Variants in DOCK11 observed in about 807,000 individuals in gnomAD.
DOCK11 encodes the protein dedicator of cytokinesis 11.
DOCK11 carries 70 observed loss-of-function variants against 169.1 expected under a neutral mutation model. The ratio of observed to expected loss-of-function variants is 0.41; its 90% confidence interval spans 0.34 to 0.51. The LOEUF (loss-of-function observed/expected upper bound fraction) is 0.51, where lower values mean the gene tolerates loss of function less well. Among genes scored for constraint, DOCK11 ranks in the 20% least tolerant of loss-of-function variants. The pLI is 0.10. For synonymous variants in DOCK11, 529 were observed against 541.3 expected (o/e 0.98, Z 0.32); for missense variants, 1,166 against 1,538.8 (o/e 0.76, Z 4.05).
chrX:118,629,816 A>ATTTTTT (rs67646403), intron 34 of DOCK11, among the ~76,000 whole-genome samples: 3 of 75,418 alleles, frequency 4.0e-5, no homozygotes, highest in Non-Finnish European at 4.9e-5. Context: ...ACCCAGCTAA[A>ATTTTTT]TTTTTTTTTT....
Position 118,681,813 on chromosome X carries a change from T to G in DOCK11, c.5963+19T>G. 1 of 1,144,452 alleles carries G rather than the reference T, an allele frequency of 8.7e-7. No individual in the cohort carries two copies. Among genetic ancestry groups the G allele is most frequent in the Non-Finnish European group, 1.2e-6 (1 of 844,627 alleles). 94.3% of individuals were successfully genotyped at this position (1,144,452 alleles called of 1,213,427 possible). Reference sequence around the variant, plus strand: ...TGTTTAGGTAAGTGTTTTATAGTTTTCAGGTTAGACCCGTGTTCGTTTTCT... The same window carrying G: ...TGTTTAGGTAAGTGTTTTATAGTTTGCAGGTTAGACCCGTGTTCGTTTTCT... On this transcript the variant is annotated intron_variant, in intron 51 of 52. Transcript: ENST00000276202.
In DOCK11 at chrX:118,495,920, A is replaced by ACCCG; in HGVS notation, c.-45_-42dup. 1.1e-6 allele frequency: 1 copy of ACCCG among 884,830 alleles called. No individual in the cohort carries two copies. Among genetic ancestry groups the ACCCG allele is most frequent in the Non-Finnish European group, 1.4e-6 (1 of 693,275 alleles). 72.9% of individuals were successfully genotyped at this position (884,830 alleles called of 1,213,427 possible). ...CGCCGCGGGCCGGGGCAGTGAGTCC[A>ACCCG]CCCGCCCGCCGAGGTCCGCCCGCCC... On this transcript the variant is annotated 5_prime_UTR_variant, in exon 1 of 53. Coordinates refer to ENST00000276202, the MANE Select transcript of DOCK11 (RefSeq NM_144658.4).
At chrX:118,634,969 C>A (rs1386356697) in intron 35 of DOCK11, among the ~76,000 whole-genome samples, 3 of 111,695 alleles carry the variant, frequency 2.7e-5, no homozygotes, top group African/African-American at 6.5e-5. Context: ...TCAGATCCAC[C>A]CGCCTCGGCC....
intron 5 of DOCK11, 69 bp from the exon 6 acceptor site, chrX:118,545,952 C>T: frequency 1.4e-6 from 1 of 729,043 alleles, no homozygotes; most frequent in Non-Finnish European, 2.1e-6. Context: ...CATTCTGTGC[C>T]CCTAAATGTT....
At chrX:118,604,516 G>A (rs945659963) in intron 23 of DOCK11, among the ~76,000 whole-genome samples, 1 of 30,949 alleles carries the variant, frequency 3.2e-5, no homozygotes, top group Non-Finnish European at 5.9e-5. Flanking sequence ...AGCGAGGTTT[G>A]TTTCCTTTTT....
In DOCK11 at chrX:118,686,122, C is replaced by A. The variant is rs746947228; in HGVS notation, c.*315C>A. ...CTATGTAAAATTGTATAATGGAATA[C>A]AATAAAAGGTAAAACTTATTTGTAA... On this transcript the variant is annotated 3_prime_UTR_variant, in exon 53 of 53. Transcript: ENST00000276202. 120 of 158,333 alleles carry A rather than the reference C, an allele frequency of 7.6e-4. No individual in the cohort carries two copies. Among genetic ancestry groups the A allele is most frequent in the African/African-American group, 3.1e-3 (102 of 32,709 alleles). The allele number at this position is 158,333 out of a possible 1,213,427, so 13.0% of individuals were successfully genotyped here.
At chrX:118,647,580 A>G (rs1220554501) in intron 40 of DOCK11, among the ~76,000 whole-genome samples, 1 of 63,974 alleles carries the variant, frequency 1.6e-5, no homozygotes, top group Non-Finnish European at 2.7e-5. Context: ...ATATTAACAT[A>G]TAATATATCT....
At chrX:118,541,262 G>A (rs775684748) in intron 1 of DOCK11, among the ~76,000 whole-genome samples, 1 of 111,426 alleles carries the variant, frequency 9.0e-6, no homozygotes, top group African/African-American at 3.3e-5. Flanking sequence ...TCCGCCCCCC[G>A]CTCCCCCGCA....
intron 23 of DOCK11, among the ~76,000 whole-genome samples, chrX:118,600,781 T>C (rs757421402): frequency 4.5e-5 from 5 of 110,464 alleles, no homozygotes; most frequent in Non-Finnish European, 9.5e-5. Flanking sequence ...CATGTGGATT[T>C]CTCGGGGAGA....
Position 118,662,676 on chromosome X carries a change from A to T in DOCK11, c.4970-10A>T, listed in dbSNP as rs1293000740. 9.4e-7 allele frequency: 1 copy of T among 1,061,170 alleles called. No homozygotes were observed. Among genetic ancestry groups the T allele is most frequent in the Non-Finnish European group, 1.3e-6 (1 of 762,443 alleles). 87.5% of individuals were successfully genotyped at this position (1,061,170 alleles called of 1,213,427 possible). On this transcript the variant is annotated splice_polypyrimidine_tract_variant and intron_variant, in intron 44 of 52. Transcript: ENST00000276202. ...ATAAATTCACTCCACTGTTTTTTTT[A>T]TTCACACAGAATTATTTCCTAACGG...
intron 35 of DOCK11, among the ~76,000 whole-genome samples, chrX:118,634,394 G>A (rs2015330361): frequency 1.8e-5 from 2 of 112,697 alleles, no homozygotes; most frequent in Admixed American, 1.9e-4. Flanking sequence ...ACTTGCAGTG[G>A]ATTGGAGCTA....
intron 18 of DOCK11, among the ~76,000 whole-genome samples, chrX:118,589,822 C>T (rs1208245192): frequency 1.8e-5 from 2 of 112,528 alleles, no homozygotes; most frequent in African/African-American, 6.4e-5. Context: ...GAGCGTTCAA[C>T]AAATGTTGCC....
In DOCK11 at chrX:118,584,840, G is replaced by T. The variant is rs1334431169; in HGVS notation, c.1701G>T (p.Leu567Phe). ...TTTCAAGTGAAGACATTCTCAAGTT[G>T]CTCTCAGAATATAAGAAGTAAGTGT... ...SKLSSEDILK[L>F]LSEYKKPEKT... Residue 567 changes from leucine (L) to phenylalanine (F), a missense_variant, in exon 15 of 53, where the codon TTG (leucine) becomes TTT (phenylalanine). Coordinates refer to ENST00000276202, the MANE Select transcript of DOCK11 (RefSeq NM_144658.4). The T allele has an allele frequency of 8.4e-7, 1 of 1,195,277 alleles. No homozygotes were observed. The highest frequency in any genetic ancestry group is 1.8e-5 in the African/African-American group (1 of 56,478).
chrX:118,541,946 G>T (rs1256676861), intron 1 of DOCK11, among the ~76,000 whole-genome samples: 2 of 111,264 alleles, frequency 1.8e-5, no homozygotes, highest in Non-Finnish European at 3.8e-5. Context: ...ATCTATGCCT[G>T]CCCTGGATAT....
rs768432345 is a variant in DOCK11 at position 118,573,786 on chromosome X, G to T, written c.1177-20G>T. 8.5e-7 allele frequency: 1 copy of T among 1,180,961 alleles called. No individual in the cohort carries two copies. Among genetic ancestry groups the T allele is most frequent in the South Asian group, 1.9e-5 (1 of 53,761 alleles). ...CCCACTAAAGTCTCAGTTTTAAAATGTAACTGTTTTCATTCCCAGGTTGAG... is the reference window on the plus strand; with the variant it reads ...CCCACTAAAGTCTCAGTTTTAAAATTTAACTGTTTTCATTCCCAGGTTGAG... On this transcript the variant is annotated intron_variant, in intron 11 of 52. Transcript: ENST00000276202.
At chrX:118,675,139 A>G (rs900235277) in intron 46 of DOCK11, among the ~76,000 whole-genome samples, 1 of 112,306 alleles carries the variant, frequency 8.9e-6, no homozygotes, top group Non-Finnish European at 1.9e-5. Context: ...CACATTTTTG[A>G]TAATGTTCTT....
At chrX:118,536,298 CAA>C (rs529784778) in intron 1 of DOCK11, among the ~76,000 whole-genome samples, 1 of 98,659 alleles carries the variant, frequency 1.0e-5, no homozygotes. Flanking sequence ...GACCTTGTCT[CAA>C]AAAAAAAAAA....
intron 1 of DOCK11, among the ~76,000 whole-genome samples, chrX:118,498,335 C>G (rs2057551520): frequency 8.9e-6 from 1 of 112,552 alleles, no homozygotes; most frequent in Non-Finnish European, 1.9e-5. Context: ...ATGGGAATGT[C>G]TTTGTCAATA....
At chrX:118,602,648 C>T (rs2014377308) in intron 23 of DOCK11, among the ~76,000 whole-genome samples, 1 of 110,335 alleles carries the variant, frequency 9.1e-6, no homozygotes, top group African/African-American at 3.3e-5. Flanking sequence ...TCAAGCTATT[C>T]TCCTGCCTCA....
Sources: allele counts gnomAD v4.1 joint callset (sites outside exome capture counted in the v4.1 genomes callset), GRCh38; gene constraint gnomAD v4.1.1; transcripts MANE v1.5; gene names NCBI Gene and HGNC (gene_info 2026-07-23, HGNC 2026-07-21).